The following NCKAP5 variants were observed in gnomAD, a reference collection of about 807,000 sequenced individuals.
The protein encoded by NCKAP5 is NCK associated protein 5, also known as nck-associated protein 5.
Under a neutral mutation model 167.0 loss-of-function variants are expected in NCKAP5, and 92 were observed. That is an observed-to-expected ratio of 0.55 (90% CI 0.47 to 0.66). The LOEUF (loss-of-function observed/expected upper bound fraction) is 0.66, where lower values mean the gene tolerates loss of function less well. Ranked by LOEUF, NCKAP5 falls within the 30% of genes least tolerant of loss-of-function variation. NCKAP5 has a pLI of 0.00. For missense variants in NCKAP5, 2,378 were observed against 2,315.0 expected, an observed-to-expected ratio of 1.03 and a Z score of -0.56; for synonymous variants, 891 against 877.4, an observed-to-expected ratio of 1.02 and a Z score of -0.27.
the NCKAP5 span, among the ~76,000 whole-genome samples, chr2:133,594,805 G>T: frequency 6.6e-6 from 1 of 152,116 alleles, no homozygotes; most frequent in Non-Finnish European, 1.5e-5. Flanking sequence ...GAGGATATGG[G>T]TATGTTACAT....
At chr2:132,989,752 C>T (rs148650870) in intron 7 of NCKAP5, among the ~76,000 whole-genome samples, 1 of 152,174 alleles carries the variant, frequency 6.6e-6, no homozygotes, top group Non-Finnish European at 1.5e-5. Context: ...CAGATAACTG[C>T]TCAGTTTAAC....
Position 133,376,646 on chromosome 2 carries a change from A to G in NCKAP5, c.70-73536T>C, listed in dbSNP as rs528818542. Among the ~76,000 whole-genome samples the G allele has an allele frequency of 7.9e-5, 12 of 152,298 alleles. No individual in the cohort carries two copies. The South Asian group carries it at 2.5e-3, about 32-fold the overall frequency. ...TCTAAAACACAGACTCTATTACAGC[A>G]TACCTTTGCTTAAACCCTTCTGGTG... On this transcript the variant is annotated intron_variant, in intron 3 of 19. Transcript: ENST00000409261.
intron 6 of NCKAP5, among the ~76,000 whole-genome samples, chr2:133,037,998 A>G (rs1414917743): frequency 1.3e-5 from 2 of 152,166 alleles, no homozygotes; most frequent in Non-Finnish European, 2.9e-5. Flanking sequence ...ACAAAAGAGA[A>G]CCCTTGTAAA....
At chr2:133,000,138 C>G (rs1233885014) in intron 6 of NCKAP5, among the ~76,000 whole-genome samples, 5 of 152,072 alleles carry the variant, frequency 3.3e-5, no homozygotes, top group Non-Finnish European at 7.4e-5. Flanking sequence ...CTTTGATTCC[C>G]CCATGCCATG....
At position 133,508,382 on chromosome 2, in the gene NCKAP5, C is replaced by A. The variant is rs570109862; in HGVS notation, c.69+9076G>T. 2.6e-4 allele frequency among the ~76,000 whole-genome samples: 39 copies of A among 152,278 alleles called. 1 individual carries two copies. The highest frequency in any genetic ancestry group is 9.1e-4 in the African/African-American group (38 of 41,562). On this transcript the variant is annotated intron_variant, in intron 3 of 19. Transcript: ENST00000409261. ...AGAAGAACAACTTCCTCTTTGTAAC[C>A]CCATCAGCCTTGTTGTTTGCACCAC...
At chr2:133,442,672 AGCAGAGTGTGGGCT>A (rs1286753178) in intron 3 of NCKAP5, among the ~76,000 whole-genome samples, 4 of 152,200 alleles carry the variant, frequency 2.6e-5, no homozygotes, top group Non-Finnish European at 5.9e-5. Flanking sequence ...CCCAGCACCT[AGCAGAGTGTGGGCT>A]GCCAATGGTG....
Position 132,798,318 on chromosome 2 carries a change from T to C in NCKAP5, c.808-1589A>G, listed in dbSNP as rs188121917. ...TACTTAGTAAGCAGCCCATTAGTGC[T>C]TGTTGTAGTCTTTAAACAAAAAGAT... On this transcript the variant is annotated intron_variant, in intron 11 of 19. Transcript: ENST00000409261. Among the ~76,000 whole-genome samples the C allele has an allele frequency of 2.4e-3, 361 of 152,350 alleles. 3 individuals are homozygous for C. The highest frequency in any genetic ancestry group is 7.6e-3 in the African/African-American group (317 of 41,596).
intron 19 of NCKAP5, among the ~76,000 whole-genome samples, chr2:132,708,897 T>C (rs1431616535): frequency 6.6e-6 from 1 of 152,164 alleles, no homozygotes; most frequent in African/African-American, 2.4e-5. Flanking sequence ...AGGGTGTCCA[T>C]TGATGAATAG....
Position 132,920,771 on chromosome 2 carries a change from G to GTGTATATATATATATA in NCKAP5, c.580-41856_580-41855insTATATATATATATACA, listed in dbSNP as rs1219401757. Among the ~76,000 whole-genome samples the GTGTATATATATATATA allele has an allele frequency of 6.7e-4, 21 of 31,570 alleles. 2 individuals are homozygous for GTGTATATATATATATA. The highest frequency in any genetic ancestry group is 1.0e-3 in the Non-Finnish European group (16 of 15,328). 20.7% of individuals were successfully genotyped at this position (31,570 alleles called of 152,430 possible). On this transcript the variant is annotated intron_variant, in intron 8 of 19. Coordinates refer to ENST00000409261, the MANE Select transcript of NCKAP5 (RefSeq NM_207363.3). ...TATATATATATGTATATATATGTAT[G>GTGTATATATATATATA]TATATATATATATATATATATATAT... is the stretch of plus-strand genomic sequence containing the variant.
intron 6 of NCKAP5, among the ~76,000 whole-genome samples, chr2:133,100,702 T>C (rs914111972): frequency 3.9e-5 from 6 of 152,162 alleles, no homozygotes; most frequent in African/African-American, 1.4e-4. Context: ...TATCTTTTGA[T>C]CAAATTAGGA....
At chr2:132,753,970 C>T (rs1319930390) in intron 16 of NCKAP5, among the ~76,000 whole-genome samples, 1 of 152,192 alleles carries the variant, frequency 6.6e-6, no homozygotes. Context: ...CCTCATTCCT[C>T]AGGTGAGAAA....
In NCKAP5 at chr2:133,050,787, T is replaced by C. The variant is rs549582789; in HGVS notation, c.342-56548A>G. Among the ~76,000 whole-genome samples, 13 of 152,360 alleles carry C rather than the reference T, an allele frequency of 8.5e-5. No individual in the cohort carries two copies. In the East Asian group the frequency reaches 2.5e-3, roughly 29 times the overall value. On this transcript the variant is annotated intron_variant, in intron 6 of 19. Transcript: ENST00000409261. ...AAATGTTGACTAACTATTTGAGTGATGAACTGAATAAAAGGTCACTTACTT... is the reference window on the plus strand; with the variant it reads ...AAATGTTGACTAACTATTTGAGTGACGAACTGAATAAAAGGTCACTTACTT...
At chr2:133,122,906 A>T (rs905123806) in intron 6 of NCKAP5, 1 of 152,226 alleles carries the variant, frequency 6.6e-6, no homozygotes, top group African/African-American at 2.4e-5. Context: ...AAAAAGCATT[A>T]TAAAACTATA....
At chr2:133,596,593 C>T in the NCKAP5 span, among the ~76,000 whole-genome samples, 1 of 152,094 alleles carries the variant, frequency 6.6e-6, no homozygotes, top group Non-Finnish European at 1.5e-5. Flanking sequence ...CGAGGATAAC[C>T]CCGAGGTCGC....
At chr2:133,463,174 A>G (rs1692310715) in intron 3 of NCKAP5, among the ~76,000 whole-genome samples, 1 of 152,190 alleles carries the variant, frequency 6.6e-6, no homozygotes, top group Admixed American at 6.5e-5. Context: ...TAGCCACTTT[A>G]CCTACAGCCT....
At chr2:133,242,907 G>A (rs1036546935) in intron 4 of NCKAP5, among the ~76,000 whole-genome samples, 5 of 152,166 alleles carry the variant, frequency 3.3e-5, no homozygotes, top group South Asian at 2.1e-4. Context: ...TAGCTCAAGC[G>A]TTAGATGACC....
intron 16 of NCKAP5, among the ~76,000 whole-genome samples, chr2:132,749,074 C>T (rs889534625): frequency 6.6e-6 from 1 of 152,042 alleles, no homozygotes; most frequent in Non-Finnish European, 1.5e-5. Context: ...CAGCCGAAGT[C>T]GAGACTTTTT....
At chr2:133,121,053 C>T (rs907412612) in intron 6 of NCKAP5, among the ~76,000 whole-genome samples, 1 of 151,998 alleles carries the variant, frequency 6.6e-6, no homozygotes. Context: ...AGGCAGCGAC[C>T]TTTAACTCTT....
At chr2:133,303,949 C>G (rs1050544703) in intron 3 of NCKAP5, among the ~76,000 whole-genome samples, 2 of 152,080 alleles carry the variant, frequency 1.3e-5, no homozygotes, top group Non-Finnish European at 2.9e-5. Flanking sequence ...TCCTCTGAAT[C>G]TGGTATTTTA....
Sources: allele counts gnomAD v4.1 joint callset (sites outside exome capture counted in the v4.1 genomes callset), GRCh38; gene constraint gnomAD v4.1.1; transcripts MANE v1.5; gene names NCBI Gene and HGNC (gene_info 2026-07-23, HGNC 2026-07-21).